Variants in ATP8B1 observed in about 807,000 individuals in gnomAD.
ATP8B1 encodes ATPase phospholipid transporting 8B1, also known as phospholipid-transporting ATPase IC.
In ATP8B1, 80 loss-of-function variants were observed where a neutral mutation model predicts 149.9. That is an observed-to-expected ratio of 0.53 (90% CI 0.45 to 0.64). The LOEUF is 0.64. Among genes scored for constraint, ATP8B1 ranks in the 30% least tolerant of loss-of-function variants. The pLI is 0.00. For missense variants in ATP8B1, 1,247 were observed against 1,552.6 expected, an observed-to-expected ratio of 0.80 and a Z score of 3.31; for synonymous variants, 536 against 562.8, an observed-to-expected ratio of 0.95 and a Z score of 0.67.
chr18:57,703,008 C>A (rs1285571705), intron 4 of ATP8B1, among the ~76,000 whole-genome samples: 1 of 152,136 alleles, frequency 6.6e-6, no homozygotes, highest in African/African-American at 2.4e-5. Flanking sequence ...CAGAGCAGCA[C>A]CTTGGAGTTT....
At chr18:57,683,570 A>T (rs1599112328) in intron 15 of ATP8B1, among the ~76,000 whole-genome samples, 1 of 152,224 alleles carries the variant, frequency 6.6e-6, no homozygotes, top group Admixed American at 6.5e-5. Context: ...GCTGAGGCTC[A>T]TATTATTTCA....
At chr18:57,665,934 AAAT>A (rs61638987) in intron 20 of ATP8B1, among the ~76,000 whole-genome samples, 13,071 of 152,190 alleles carry the variant, frequency 0.086, 636 homozygotes, top group Middle Eastern at 0.14. Context: ...AATCAGTTCT[AAAT>A]GGAACTGATT....
intron 1 of ATP8B1, chr18:57,740,517 A>T (rs950495142): frequency 2.0e-5 from 3 of 151,022 alleles, no homozygotes; most frequent in Non-Finnish European, 4.4e-5. Context: ...TCACATCTTT[A>T]ATTTCCTGTG....
chr18:57,759,007 T>C (rs896902545), intron 1 of ATP8B1, among the ~76,000 whole-genome samples: 1 of 151,594 alleles, frequency 6.6e-6, no homozygotes, highest in African/African-American at 2.4e-5. Context: ...AATACAAAAA[T>C]TATCCGGGCG....
chr18:57,761,097 AAAAATAAAATAAAATATAAAAT>A (rs1191786026), intron 1 of ATP8B1, among the ~76,000 whole-genome samples: 29 of 96,794 alleles, frequency 3.0e-4, no homozygotes, highest in African/African-American at 2.1e-4. Flanking sequence ...AAATAAAATA[AAAAATAAAATAAAATATAAAAT>A]AAAATAAAAT....
chr18:57,780,308 A>G (rs1450211893), intron 1 of ATP8B1, among the ~76,000 whole-genome samples: 1 of 152,264 alleles, frequency 6.6e-6, no homozygotes, highest in Non-Finnish European at 1.5e-5. Flanking sequence ...GCATAAATGT[A>G]TAATTACTCT....
At chr18:57,668,037 G>C in intron 19 of ATP8B1, 1 of 1,240,730 alleles carries the variant, frequency 8.1e-7, no homozygotes, top group Non-Finnish European at 1.0e-6. Context: ...CAATAAAATT[G>C]GCAAGAAAAC....
At chr18:57,757,582 A>T (rs1160711906) in intron 1 of ATP8B1, among the ~76,000 whole-genome samples, 1 of 152,142 alleles carries the variant, frequency 6.6e-6, no homozygotes, top group Non-Finnish European at 1.5e-5. Flanking sequence ...TGTATTTCAG[A>T]AATCAGTTCA....
chr18:57,705,925 A>G (rs1299854661), intron 3 of ATP8B1, among the ~76,000 whole-genome samples: 1 of 152,170 alleles, frequency 6.6e-6, no homozygotes, highest in African/African-American at 2.4e-5. Flanking sequence ...GCAATGGCAC[A>G]ATTTCAGCTC....
Position 57,704,568 on chromosome 18 carries a change from A to G in ATP8B1, c.380T>C (p.Leu127Pro). ...KRAANLYFLALLILQAVPQIS... is the reference protein window; with the variant it reads ...KRAANLYFLAPLILQAVPQIS... ...AAAGGGCATTACCTGTAAGATAAGAAGAGCCAGGAAATATAAATTGGCTGC... is the reference window on the plus strand; with the variant it reads ...AAAGGGCATTACCTGTAAGATAAGAGGAGCCAGGAAATATAAATTGGCTGC... Residue 127 changes from leucine to proline, a missense_variant, in exon 4 of 28, where the codon CTT becomes CCT. Physicochemically the swap from Leu to Pro is moderately conservative, Grantham distance 98 (BLOSUM62 -3). Around this residue, in one of 3 missense-constraint regions of ATP8B1, gnomAD observed 853 missense variants for 1,035.7 expected, o/e 0.82. Coordinates refer to ENST00000648908, the MANE Select transcript of ATP8B1 (RefSeq NM_001374385.1). 1 of 1,592,680 alleles carries G rather than the reference A, an allele frequency of 6.3e-7. No individual in the cohort carries two copies. The highest frequency in any genetic ancestry group is 8.6e-7 in the Non-Finnish European group (1 of 1,160,644).
At chr18:57,666,090 T>C (rs1733171904) in intron 20 of ATP8B1, among the ~76,000 whole-genome samples, 1 of 152,178 alleles carries the variant, frequency 6.6e-6, no homozygotes, top group South Asian at 2.1e-4. Context: ...ACCTGGCAAA[T>C]GTGTATGTTA....
At position 57,691,852 on chromosome 18, in the gene ATP8B1, T is replaced by A. The variant is rs751854136; in HGVS notation, c.1175A>T (p.Tyr392Phe). ...SYRGFLIFWG[Y>F]IIVLNTMVPI... ...TACCATGGTGTTGAGAACAATGATA[T>A]AGCCCCAGAAAATGAGGAATCCACG... The change falls in exon 12 of 28, where the codon TAT becomes TTT. Residue 392 changes from tyrosine (Y) to phenylalanine (F), a missense_variant. This residue lies in a region of ATP8B1 where 853 missense variants were observed against 1,035.7 expected (regional missense o/e 0.82). Transcript: ENST00000648908. The A allele has an allele frequency of 6.2e-7, 1 of 1,614,110 alleles. No homozygotes were observed. Among genetic ancestry groups the A allele is most frequent in the South Asian group, 1.1e-5 (1 of 91,076 alleles).
rs145660399 is a variant in ATP8B1, at chr18:57,768,386, C to CAAAAAAAAAAAAAAA, written c.-26+34597_-26+34611dup. On this transcript the variant is annotated intron_variant, in intron 1 of 27. Transcript: ENST00000648908. ...TGGGCAACAGAGTGAGACCCTGTCT[C>CAAAAAAAAAAAAAAA]AAAAAAAAAAAAAAAAAAAAAAAAG... 2.6e-4 allele frequency among the ~76,000 whole-genome samples: 18 copies of CAAAAAAAAAAAAAAA among 68,156 alleles called. No individual in the cohort carries two copies. In the East Asian group the frequency reaches 2.9e-3, roughly 11 times the overall value. 44.7% of individuals were successfully genotyped at this position (68,156 alleles called of 152,430 possible). A position where few individuals can be genotyped will look rare whatever the true frequency, so the allele number is the denominator to read the frequency against.
chr18:57,753,931 C>CAAAAA (rs1218057370), intron 1 of ATP8B1, among the ~76,000 whole-genome samples: 3 of 70,854 alleles, frequency 4.2e-5, no homozygotes, highest in East Asian at 4.8e-4. Context: ...GACTCTGTCT[C>CAAAAA]AAAAAAAAAA....
At position 57,797,398 on chromosome 18, in the gene ATP8B1, C is replaced by T. The variant is rs573575453; in HGVS notation, c.-26+5600G>A. On this transcript the variant is annotated intron_variant, in intron 1 of 27. Transcript: ENST00000648908. ...GCAGAAGTGCCAGGCTTCTCAATCA[C>T]GCTGTGGGGGATGGTGGCCTTCGCC... 3.9e-5 allele frequency among the ~76,000 whole-genome samples: 6 copies of T among 152,322 alleles called. 1 individual carries two copies. In the South Asian group the frequency reaches 1.0e-3, roughly 26 times the overall value.
chr18:57,655,142 T>A (rs769116883), intron 23 of ATP8B1, 52 bp downstream of exon 23: 192 of 1,497,360 alleles, frequency 1.3e-4, no homozygotes, highest in Middle Eastern at 6.8e-4. Flanking sequence ...TAGATTTTTA[T>A]TCATTTAAGA....
intron 10 of ATP8B1, 132 bp downstream of exon 10, chr18:57,695,029 CAAAAAAAAAA>C (rs397960134): frequency 2.1e-5 from 6 of 281,772 alleles, no homozygotes; most frequent in East Asian, 2.1e-4. Context: ...GACTCTGTCT[CAAAAAAAAAA>C]AAAAAAAAAA....
At chr18:57,689,171 G>A (rs990451761) in intron 12 of ATP8B1, among the ~76,000 whole-genome samples, 2 of 152,138 alleles carry the variant, frequency 1.3e-5, no homozygotes, top group Non-Finnish European at 2.9e-5. Context: ...TGCAGACAGA[G>A]CAGTGGACAC....
chr18:57,680,615 CAAAA>C (rs773143491), intron 15 of ATP8B1, among the ~76,000 whole-genome samples: 129 of 137,782 alleles, frequency 9.4e-4, no homozygotes, highest in African/African-American at 3.4e-3. Flanking sequence ...CAAAACAAAA[CAAAA>C]AAAAAACCAC....
Sources: gnomAD v4.1 joint callset for allele counts (sites outside exome capture counted in the v4.1 genomes callset) on GRCh38, gnomAD v4.1.1 for gene constraint, gnomAD v4.1.1 regional missense constraint, MANE v1.5 for transcripts, NCBI Gene and HGNC (gene_info 2026-07-23, HGNC 2026-07-21) for gene names.